CGNL1: variants seen among roughly 807,000 people sequenced by gnomAD.
CGNL1 encodes cingulin-like protein 1.
A neutral mutation model predicts 141.2 loss-of-function variants in CGNL1; 132 were observed. The ratio of observed to expected loss-of-function variants is 0.93; its 90% CI spans 0.81 to 1.08. The LOEUF is 1.08. Ranked by LOEUF, CGNL1 falls within the 50% of genes least tolerant of loss-of-function variation. CGNL1 has a pLI of 0.00. For synonymous variants in CGNL1, 690 were observed against 622.1 expected, an observed-to-expected ratio of 1.11 and a Z score of -1.63; for missense variants, 1,870 against 1,588.6, an observed-to-expected ratio of 1.18 and a Z score of -3.01.
chr15:57,434,800 G>A (rs1366688813), intron 1 of CGNL1, among the ~76,000 whole-genome samples: 2 of 152,142 alleles, frequency 1.3e-5, no homozygotes, highest in African/African-American at 2.4e-5. Flanking sequence ...CCAATCAAAA[G>A]TAAGCATAGA....
intron 6 of CGNL1, 98 bp downstream of exon 6, chr15:57,452,387 A>T: frequency 9.1e-7 from 1 of 1,098,268 alleles, no homozygotes; most frequent in Non-Finnish European, 1.3e-6. Context: ...CCTTCCAAAT[A>T]TTTATAAAGG....
chr15:57,523,452 G>T (rs755345257), intron 10 of CGNL1, 37 bp from the exon 11 acceptor site: 1 of 1,610,970 alleles, frequency 6.2e-7, no homozygotes, highest in Non-Finnish European at 8.5e-7. Context: ...TACCTGGTTA[G>T]TAGGTGACAG....
At chr15:57,465,633 C>T (rs530776944) in intron 8 of CGNL1, among the ~76,000 whole-genome samples, 5 of 150,334 alleles carry the variant, frequency 3.3e-5, no homozygotes, top group Admixed American at 1.3e-4. Context: ...TCAGGGGATC[C>T]GTCAGCTTCA....
At chr15:57,466,677 G>T (rs1402668948) in intron 8 of CGNL1, among the ~76,000 whole-genome samples, 1 of 152,028 alleles carries the variant, frequency 6.6e-6, no homozygotes, top group African/African-American at 2.4e-5. Flanking sequence ...TTAGATGAAT[G>T]AATAGACAAA....
intron 1 of CGNL1, among the ~76,000 whole-genome samples, chr15:57,386,392 T>A (rs1454823340): frequency 1.3e-5 from 2 of 152,216 alleles, no homozygotes; most frequent in African/African-American, 4.8e-5. Context: ...GCTGTGTGAT[T>A]CCTAAGGTAT....
intron 4 of CGNL1, among the ~76,000 whole-genome samples, chr15:57,445,965 A>T (rs2063245954): frequency 6.6e-6 from 1 of 152,202 alleles, no homozygotes; most frequent in Non-Finnish European, 1.5e-5. Flanking sequence ...TCATTATGGA[A>T]ATGTAACATC....
At chr15:57,411,156 A>T (rs1324273752) in intron 1 of CGNL1, among the ~76,000 whole-genome samples, 1 of 152,204 alleles carries the variant, frequency 6.6e-6, no homozygotes, top group Non-Finnish European at 1.5e-5. Flanking sequence ...ATCCACAGAC[A>T]CAGAGACTTT....
intron 8 of CGNL1, among the ~76,000 whole-genome samples, chr15:57,472,574 A>G (rs148299942): frequency 2.8e-4 from 42 of 152,262 alleles, no homozygotes; most frequent in African/African-American, 9.6e-4. Flanking sequence ...GACACTTAGG[A>G]TGGAGGCACG....
In CGNL1 at chr15:57,461,729, AG is replaced by A. The variant is rs1567132999; in HGVS notation, c.2242del (p.Glu748SerfsTer6). 6.2e-7 allele frequency: 1 copy of A among 1,614,164 alleles called. No homozygotes were observed. Among genetic ancestry groups the A allele is most frequent in the Admixed American group, 1.7e-5 (1 of 60,026 alleles). On this transcript the variant is annotated frameshift_variant, in exon 8 of 19. Coordinates refer to ENST00000281282, the MANE Select transcript of CGNL1 (RefSeq NM_032866.5). LOFTEE classifies it high-confidence loss of function. ...QDLQDLLIAK[E>X]EQEDLLRKRE... ...CTTCAAGATCTGCTGATTGCCAAAG[AG>A]GAGCAAGAAGACCTCTTGAGAAAGC...
At chr15:57,515,083 C>G (rs2030660397) in intron 8 of CGNL1, among the ~76,000 whole-genome samples, 1 of 152,186 alleles carries the variant, frequency 6.6e-6, no homozygotes, top group South Asian at 2.1e-4. Flanking sequence ...TGACCAGTTA[C>G]TAGATTCTTT....
intron 1 of CGNL1, among the ~76,000 whole-genome samples, chr15:57,416,100 G>A (rs957522715): frequency 6.6e-6 from 1 of 152,034 alleles, no homozygotes; most frequent in African/African-American, 2.4e-5. Context: ...TAGTTCTTGA[G>A]TGTACTACAA....
At position 57,543,686 on chromosome 15, in the gene CGNL1, C is replaced by T; in HGVS notation, c.3292-10C>T. 2.5e-6 allele frequency: 4 copies of T among 1,611,000 alleles called. No homozygotes were observed. The South Asian group carries it at 4.4e-5, about 18-fold the overall frequency. On this transcript the variant is annotated splice_polypyrimidine_tract_variant and intron_variant, in intron 14 of 18. Transcript: ENST00000281282. ...TTCTAACCTCTGGGCTTTTGTTCTG[C>T]TTGCTGTAGATGGAGCAGTTGAGGA...
At chr15:57,514,400 C>T (rs577440082) in intron 8 of CGNL1, among the ~76,000 whole-genome samples, 1 of 152,294 alleles carries the variant, frequency 6.6e-6, no homozygotes, top group Admixed American at 6.5e-5. Flanking sequence ...GATCCGCCTG[C>T]CTGGGCCTCT....
chr15:57,535,786 G>C (rs2032226610), intron 14 of CGNL1, among the ~76,000 whole-genome samples: 1 of 152,186 alleles, frequency 6.6e-6, no homozygotes, highest in Non-Finnish European at 1.5e-5. Context: ...CCAGGGGTGG[G>C]GGTGAGGACT....
chr15:57,385,675 C>T (rs1296319045), intron 1 of CGNL1, among the ~76,000 whole-genome samples: 1 of 152,154 alleles, frequency 6.6e-6, no homozygotes, highest in Non-Finnish European at 1.5e-5. Flanking sequence ...TAATGCCTAC[C>T]CCATACAGTC....
At chr15:57,419,839 C>G (rs2062893715) in intron 1 of CGNL1, among the ~76,000 whole-genome samples, 2 of 152,190 alleles carry the variant, frequency 1.3e-5, no homozygotes, top group Admixed American at 6.5e-5. Flanking sequence ...CTATGTGCAG[C>G]CCACACATAA....
intron 1 of CGNL1, among the ~76,000 whole-genome samples, chr15:57,382,037 G>A (rs1183489846): frequency 6.6e-6 from 1 of 152,152 alleles, no homozygotes. Flanking sequence ...TAGATAATTG[G>A]TTGTTGGGTA....
At chr15:57,406,039 TGGA>T (rs1195919730) in intron 1 of CGNL1, 2 of 151,872 alleles carry the variant, frequency 1.3e-5, no homozygotes, top group East Asian at 1.9e-4. Context: ...AAAGCAGAGG[TGGA>T]GAAGATCCCA....
At chr15:57,422,868 T>C (rs2062931324) in intron 1 of CGNL1, among the ~76,000 whole-genome samples, 1 of 151,880 alleles carries the variant, frequency 6.6e-6, no homozygotes, top group African/African-American at 2.4e-5. Flanking sequence ...GGCCTGAAAA[T>C]TTGGAACTAG....
Sources: allele counts gnomAD v4.1 joint callset (sites outside exome capture counted in the v4.1 genomes callset), GRCh38; gene constraint gnomAD v4.1.1; transcripts MANE v1.5; gene names NCBI Gene and HGNC (gene_info 2026-07-23, HGNC 2026-07-21).